Variants in OSTF1 observed in about 807,000 individuals in gnomAD.
OSTF1 encodes the protein osteoclast-stimulating factor 1.
In OSTF1, 27 loss-of-function variants were observed where a neutral mutation model predicts 37.2. That is an observed-to-expected ratio of 0.73 (90% CI 0.54 to 1.00). OSTF1 has a LOEUF of 1.00. OSTF1 is among the 50% of genes least tolerant of loss of function. The pLI, the probability that OSTF1 is intolerant of heterozygous loss-of-function variation, is 0.00. For missense variants in OSTF1, 232 were observed against 253.8 expected, an observed-to-expected ratio of 0.91 and a Z score of 0.58; for synonymous variants, 82 against 89.2, an observed-to-expected ratio of 0.92 and a Z score of 0.46.
At chr9:75,110,967 C>T (rs1402861552) in intron 1 of OSTF1, among the ~76,000 whole-genome samples, 1 of 152,176 alleles carries the variant, frequency 6.6e-6, no homozygotes, top group Non-Finnish European at 1.5e-5. Flanking sequence ...CAGTCCTCCA[C>T]TTTGGCCTCC....
intron 1 of OSTF1, among the ~76,000 whole-genome samples, chr9:75,098,963 T>C (rs934137079): frequency 2.0e-5 from 3 of 151,982 alleles, no homozygotes. Flanking sequence ...AGAGATGGAG[T>C]TTTCCTCTTG....
chr9:75,099,302 C>T (rs1377654336), intron 1 of OSTF1, among the ~76,000 whole-genome samples: 3 of 150,290 alleles, frequency 2.0e-5, no homozygotes, highest in Non-Finnish European at 4.4e-5. Flanking sequence ...CTTGTTCTGT[C>T]GCCCAGGCTG....
intron 3 of OSTF1, among the ~76,000 whole-genome samples, chr9:75,128,527 C>CATATATATATATATATATTTTGTCCATAT (rs1587465846): frequency 1.6e-4 from 1 of 6,128 alleles, no homozygotes; most frequent in East Asian, 4.7e-3. Context: ...ATATTTTGTC[C>CATATATATATATATATATTTTGTCCATAT]ATATATATAT....
intron 8 of OSTF1, among the ~76,000 whole-genome samples, chr9:75,139,679 T>C (rs1289755176): frequency 6.6e-6 from 1 of 152,236 alleles, no homozygotes; most frequent in Non-Finnish European, 1.5e-5. Flanking sequence ...CGCCTTGGCC[T>C]CCTAAAGTGC....
intron 7 of OSTF1, among the ~76,000 whole-genome samples, chr9:75,134,653 C>T (rs10869509): frequency 0.16 from 24,272 of 152,104 alleles, 3,303 homozygotes; most frequent in African/African-American, 0.37. Flanking sequence ...GGAGCTATCT[C>T]GCCATGCATT....
At position 75,096,014 on chromosome 9, in the gene OSTF1, C is replaced by T. The variant is rs540096059; in HGVS notation, c.34+7288C>T. Among the ~76,000 whole-genome samples the T allele has an allele frequency of 2.6e-5, 4 of 152,200 alleles. No individual in the cohort carries two copies. In the South Asian group the frequency reaches 8.3e-4, roughly 32 times the overall value. ...TCACGCCATTCTCCTGCCTCAGCCTCCTGAGTGGCTGGGACTGCAGGCGCC... is the reference window on the plus strand; with the variant it reads ...TCACGCCATTCTCCTGCCTCAGCCTTCTGAGTGGCTGGGACTGCAGGCGCC... On this transcript the variant is annotated intron_variant, in intron 1 of 9. Coordinates refer to ENST00000346234, the MANE Select transcript of OSTF1 (RefSeq NM_012383.5).
intron 8 of OSTF1, among the ~76,000 whole-genome samples, chr9:75,140,380 C>T (rs1485915171): frequency 6.6e-6 from 1 of 152,150 alleles, no homozygotes; most frequent in Non-Finnish European, 1.5e-5. Flanking sequence ...TAGAAGATGG[C>T]TTATGGGAAT....
At chr9:75,104,708 G>A (rs1221411148) in intron 1 of OSTF1, among the ~76,000 whole-genome samples, 1 of 152,162 alleles carries the variant, frequency 6.6e-6, no homozygotes, top group African/African-American at 2.4e-5. Context: ...GTAATTAATA[G>A]TAGCTAACAT....
intron 1 of OSTF1, among the ~76,000 whole-genome samples, chr9:75,111,353 T>C (rs1038440451): frequency 6.6e-6 from 1 of 152,152 alleles, no homozygotes; most frequent in Non-Finnish European, 1.5e-5. Flanking sequence ...GTTTGGCTGA[T>C]GACTAATGGA....
At chr9:75,135,884 T>C (rs7869308) in intron 7 of OSTF1, among the ~76,000 whole-genome samples, 94,710 of 152,064 alleles carry the variant, frequency 0.62, 30,049 homozygotes, top group Non-Finnish European at 0.69. Flanking sequence ...GCCACCCCTC[T>C]CTGTAGACAG....
Position 75,134,351 on chromosome 9 carries a change from G to C in OSTF1, c.364G>C (p.Val122Leu), listed in dbSNP as rs199768667. 201 of 1,554,420 alleles carry C rather than the reference G, an allele frequency of 1.3e-4. No individual in the cohort carries two copies. Among genetic ancestry groups the C allele is most frequent in the Admixed American group, 5.2e-4 (30 of 57,612 alleles). The change falls in exon 7 of 10, where the codon GTG becomes CTG. Residue 122 changes from valine (V) to leucine (L), a missense_variant. By Grantham distance (32) the Val-to-Leu change is conservative. Coordinates refer to ENST00000346234, the MANE Select transcript of OSTF1 (RefSeq NM_012383.5). ...WACHGGHKDI[V>L]EMLFTQPNIE... ...CTTTTCTCTTTGAATTTCAGATATA[G>C]TGGAAATGCTATTTACTCAACCAAA...
At chr9:75,137,295 T>C (rs1825858031) in intron 7 of OSTF1, among the ~76,000 whole-genome samples, 1 of 152,166 alleles carries the variant, frequency 6.6e-6, no homozygotes. Context: ...AGGCATGTGC[T>C]TTTCAGCTCG....
At chr9:75,094,171 A>G (rs1825030804) in intron 1 of OSTF1, among the ~76,000 whole-genome samples, 1 of 152,190 alleles carries the variant, frequency 6.6e-6, no homozygotes, top group Admixed American at 6.5e-5. Flanking sequence ...CTTTTGTTGG[A>G]CAGTCATTTT....
intron 1 of OSTF1, among the ~76,000 whole-genome samples, chr9:75,112,149 A>G (rs995640869): frequency 1.0e-4 from 15 of 149,922 alleles, no homozygotes; most frequent in Non-Finnish European, 1.6e-4. Context: ...GGATGTTTGC[A>G]GGGAAGATAA....
chr9:75,124,396 T>C (rs891187080), intron 2 of OSTF1, among the ~76,000 whole-genome samples: 6 of 152,216 alleles, frequency 3.9e-5, no homozygotes, highest in Non-Finnish European at 8.8e-5. Flanking sequence ...TTGTACCCAT[T>C]AACCATCCCC....
At chr9:75,131,081 C>T (rs1825755089) in intron 4 of OSTF1, among the ~76,000 whole-genome samples, 1 of 152,174 alleles carries the variant, frequency 6.6e-6, no homozygotes, top group Non-Finnish European at 1.5e-5. Flanking sequence ...AGACACGGCT[C>T]CCGCCATGAA....
At chr9:75,107,740 G>A (rs80196341) in intron 1 of OSTF1, among the ~76,000 whole-genome samples, 11,770 of 152,064 alleles carry the variant, frequency 0.077, 964 homozygotes, top group African/African-American at 0.21. Context: ...ACAGAAGTTC[G>A]CTTTAGACTC....
intron 1 of OSTF1, among the ~76,000 whole-genome samples, chr9:75,095,342 T>C (rs1316916824): frequency 2.0e-5 from 3 of 152,134 alleles, no homozygotes; most frequent in Non-Finnish European, 2.9e-5. Context: ...CTACCAAAAA[T>C]GTATGAGCAT....
intron 1 of OSTF1, among the ~76,000 whole-genome samples, chr9:75,102,635 C>A (rs1307295097): frequency 6.6e-6 from 1 of 152,316 alleles, no homozygotes; most frequent in South Asian, 2.1e-4. Context: ...AGGCTTCAGG[C>A]ATGTTGATTG....
Sources: allele counts gnomAD v4.1 joint callset (sites outside exome capture counted in the v4.1 genomes callset), GRCh38; gene constraint gnomAD v4.1.1; transcripts MANE v1.5; gene names NCBI Gene and HGNC (gene_info 2026-07-23, HGNC 2026-07-21).